Variants in HMCN1 observed in about 807,000 individuals in gnomAD.
HMCN1 encodes the protein hemicentin-1.
A neutral mutation model predicts 625.9 loss-of-function variants in HMCN1; 321 were observed. That is an observed-to-expected ratio of 0.51 (90% confidence interval 0.47 to 0.56). The LOEUF (loss-of-function observed/expected upper bound fraction) is 0.56, where lower values mean the gene tolerates loss of function less well. HMCN1 is among the 20% of genes least tolerant of loss of function. The pLI is 0.00. For synonymous variants in HMCN1, 2,425 were observed against 2,417.6 expected (o/e 1.00, Z -0.09); for missense variants, 6,588 against 6,887.3 (o/e 0.96, Z 1.54).
chr1:186,148,935 C>CTTTTTTTTTTTT (rs57126500), intron 93 of HMCN1, among the ~76,000 whole-genome samples: 2 of 143,304 alleles, frequency 1.4e-5, no homozygotes, highest in Non-Finnish European at 1.5e-5. Context: ...TGAAAGGAAT[C>CTTTTTTTTTTTT]TTTTTTTTTT....
chr1:185,822,967 A>G (rs2102272307), intron 1 of HMCN1, among the ~76,000 whole-genome samples: 1 of 152,268 alleles, frequency 6.6e-6, no homozygotes, highest in South Asian at 2.1e-4. Context: ...CACTGTTAAA[A>G]TTTGATATAT....
intron 46 of HMCN1, among the ~76,000 whole-genome samples, 173 bp downstream of exon 46, chr1:186,057,574 GA>G (rs1657423990): frequency 6.6e-6 from 1 of 152,032 alleles, no homozygotes; most frequent in East Asian, 1.9e-4. Flanking sequence ...GAAACTATAT[GA>G]AAATGAGAAA....
intron 80 of HMCN1, among the ~76,000 whole-genome samples, chr1:186,120,931 G>A (rs1661369416): frequency 6.6e-6 from 1 of 152,192 alleles, no homozygotes; most frequent in African/African-American, 2.4e-5. Context: ...ATGCTATATA[G>A]AGGAAAAGCA....
chr1:185,910,706 G>A (rs570533499), intron 5 of HMCN1, among the ~76,000 whole-genome samples: 66 of 151,810 alleles, frequency 4.3e-4, no homozygotes, highest in Non-Finnish European at 8.2e-4. Flanking sequence ...GAGTAGCAGG[G>A]ATTACAGGTG....
chr1:186,058,604 GT>G (rs1245405718), intron 46 of HMCN1, among the ~76,000 whole-genome samples: 1 of 151,774 alleles, frequency 6.6e-6, no homozygotes, highest in Admixed American at 6.6e-5. Flanking sequence ...GGATTATGTT[GT>G]TTTTTTCTAG....
At chr1:186,029,984 A>C (rs1371862854) in intron 36 of HMCN1, among the ~76,000 whole-genome samples, 1 of 152,064 alleles carries the variant, frequency 6.6e-6, no homozygotes, top group Non-Finnish European at 1.5e-5. Context: ...ATAGTTATTT[A>C]GGACTGTGTT....
At chr1:186,044,081 CAAAAA>C (rs1558170551) in intron 40 of HMCN1, among the ~76,000 whole-genome samples, 1 of 151,768 alleles carries the variant, frequency 6.6e-6, no homozygotes, top group African/African-American at 2.4e-5. Flanking sequence ...AACTTCTTCT[CAAAAA>C]AGAAAAAGGA....
At position 186,166,845 on chromosome 1, in the gene HMCN1, C is replaced by T. The variant is rs776326968; in HGVS notation, c.15477C>T (p.His5159=). 1.2e-5 allele frequency: 19 copies of T among 1,613,994 alleles called. No individual in the cohort carries two copies. The highest frequency in any genetic ancestry group is 3.3e-5 in the South Asian group (3 of 91,086). The change falls in exon 100 of 107, where the codon CAC becomes CAT. Residue 5159 remains histidine (H), a synonymous_variant. Coordinates refer to ENST00000271588, the MANE Select transcript of HMCN1 (RefSeq NM_031935.3). The part of the protein sequence containing the change: ...DECALGRHTC[H]AGQDCDNTIG... Reference sequence around the variant, plus strand: ...GTGCTTTGGGTAGGCATACCTGCCACGCTGGTCAGGACTGTGACAATACGA... The same window carrying T: ...GTGCTTTGGGTAGGCATACCTGCCATGCTGGTCAGGACTGTGACAATACGA...
At chr1:185,769,354 G>A in intron 1 of HMCN1, among the ~76,000 whole-genome samples, 1 of 152,062 alleles carries the variant, frequency 6.6e-6, no homozygotes, top group Non-Finnish European at 1.5e-5. Flanking sequence ...AGGCTGAGAT[G>A]GGAAGACTGC....
chr1:185,999,090 A>G (rs1266146715), intron 25 of HMCN1, among the ~76,000 whole-genome samples: 3 of 152,022 alleles, frequency 2.0e-5, no homozygotes, highest in Admixed American at 2.0e-4. Flanking sequence ...ATTTAAGTGT[A>G]GCTTCAATGA....
At chr1:185,752,750 T>A (rs1186227172) in intron 1 of HMCN1, among the ~76,000 whole-genome samples, 3 of 152,178 alleles carry the variant, frequency 2.0e-5, no homozygotes, top group South Asian at 2.1e-4. Context: ...TCTCAGAAGA[T>A]CTTTACCAAG....
chr1:185,790,115 G>A (rs1158867840), intron 1 of HMCN1, among the ~76,000 whole-genome samples: 1 of 152,118 alleles, frequency 6.6e-6, no homozygotes, highest in African/African-American at 2.4e-5. Flanking sequence ...ATAGTGTCCT[G>A]ACCAAACCAA....
At position 186,190,821 on chromosome 1, in the gene HMCN1, T is replaced by G. The variant is rs545918862; in HGVS notation, c.*943T>G. On this transcript the variant is annotated 3_prime_UTR_variant, in exon 107 of 107. Coordinates refer to ENST00000271588, the MANE Select transcript of HMCN1 (RefSeq NM_031935.3). ...CAAGATGTATTCTATTTTTATGAAG[T>G]GTATATATATTACCTTAGTGTGCAT... 1 of 192,962 alleles carries G rather than the reference T, an allele frequency of 5.2e-6. No individual in the cohort carries two copies. Among genetic ancestry groups the G allele is most frequent in the South Asian group, 1.9e-4 (1 of 5,194 alleles). 12.0% of individuals were successfully genotyped at this position (192,962 alleles called of 1,614,324 possible). A position where few individuals can be genotyped will look rare whatever the true frequency, so the allele number is the denominator to read the frequency against.
chr1:185,869,292 T>C lies in HMCN1; in HGVS notation c.621+3429T>C, dbSNP rs565488860. The stretch of plus-strand genomic sequence containing the variant: ...TGACATGGGATCTGTGAGTCCCAGT[T>C]TCCCTGTCTGTAAAATGGAGATAAT... On this transcript the variant is annotated intron_variant, in intron 4 of 106. Coordinates refer to ENST00000271588, the MANE Select transcript of HMCN1 (RefSeq NM_031935.3). Among the ~76,000 whole-genome samples, 4 of 152,302 alleles carry C rather than the reference T, an allele frequency of 2.6e-5. No individual in the cohort carries two copies. The South Asian group carries it at 8.3e-4, about 32-fold the overall frequency.
At position 186,187,887 on chromosome 1, in the gene HMCN1, C is replaced by G; in HGVS notation, c.16419C>G (p.Ile5473Met). 1.2e-6 allele frequency: 2 copies of G among 1,613,656 alleles called. No homozygotes were observed. The highest frequency in any genetic ancestry group is 1.7e-5 in the Admixed American group (1 of 59,984). Residue 5473 changes from isoleucine to methionine, a missense_variant, in exon 106 of 107, where the codon ATC becomes ATG. This residue lies in a region of HMCN1 where 1,954 missense variants were observed against 2,013.1 expected (regional missense o/e 0.97). Coordinates refer to ENST00000271588, the MANE Select transcript of HMCN1 (RefSeq NM_031935.3). ...LTHNGKTCQDIDECLEQNVHC... is the reference protein window; with the variant it reads ...LTHNGKTCQDMDECLEQNVHC... ...TGTTCCCTGTGCTGTCCCTAGATAT[C>G]GATGAATGTCTGGAGCAGAATGTGC...
intron 56 of HMCN1, among the ~76,000 whole-genome samples, 177 bp downstream of exon 56, chr1:186,081,571 C>T (rs567940438): frequency 2.6e-5 from 4 of 152,190 alleles, no homozygotes; most frequent in East Asian, 1.9e-4. Flanking sequence ...TTCCCACTAC[C>T]AGAGGTTACC....
intron 64 of HMCN1, 81 bp downstream of exon 64, chr1:186,090,998 A>G: frequency 6.9e-7 from 1 of 1,440,960 alleles, no homozygotes; most frequent in East Asian, 2.3e-5. Flanking sequence ...CATGAATAAT[A>G]ATACCGAATT....
chr1:185,965,943 G>T (rs1402264159), intron 14 of HMCN1, 28 bp downstream of exon 14: 1 of 1,245,384 alleles, frequency 8.0e-7, no homozygotes, highest in Non-Finnish European at 1.2e-6. Context: ...GTTTGTGTCT[G>T]GTTCACTTAG....
intron 41 of HMCN1, among the ~76,000 whole-genome samples, chr1:186,046,154 G>A (rs1273254322): frequency 2.0e-5 from 3 of 152,094 alleles, no homozygotes; most frequent in Non-Finnish European, 2.9e-5. Context: ...CAATCACCAA[G>A]TGACCATTTT....
Sources: allele counts gnomAD v4.1 joint callset (sites outside exome capture counted in the v4.1 genomes callset), GRCh38; gene constraint gnomAD v4.1.1; regional missense constraint gnomAD v4.1.1; transcripts MANE v1.5; gene names NCBI Gene and HGNC (gene_info 2026-07-23, HGNC 2026-07-21).